IKZF2: variants seen among roughly 807,000 people sequenced by gnomAD.
The protein encoded by IKZF2 is IKAROS family zinc finger 2, also known as zinc finger protein Helios.
In IKZF2, 15 loss-of-function variants were observed where a neutral mutation model predicts 49.2. The ratio of observed to expected loss-of-function variants is 0.30; its 90% CI spans 0.20 to 0.47. IKZF2 has a LOEUF of 0.47. Among genes scored for constraint, IKZF2 ranks in the 20% least tolerant of loss-of-function variants. IKZF2 has a pLI of 1.00. For synonymous variants in IKZF2, 227 were observed against 221.4 expected (o/e 1.03, Z -0.23); for missense variants, 567 against 664.6 (o/e 0.85, Z 1.61).
chr2:213,001,062 G>T lies in IKZF2; in HGVS notation c.*6298C>A, dbSNP rs530109504. 1 of 151,600 alleles carries T rather than the reference G, an allele frequency of 6.6e-6. No individual in the cohort carries two copies. Among genetic ancestry groups the T allele is most frequent in the Non-Finnish European group, 1.5e-5 (1 of 67,484 alleles). 9.4% of individuals were successfully genotyped at this position (151,600 alleles called of 1,614,324 possible). A position where few individuals can be genotyped will look rare whatever the true frequency, so the allele number is the denominator to read the frequency against. ...TTGTCATTAGCTAAAGGAAGAATAGGTCAGAAAAGAAAAAAAAATCACCAT... is the reference window on the plus strand; with the variant it reads ...TTGTCATTAGCTAAAGGAAGAATAGTTCAGAAAAGAAAAAAAAATCACCAT... On this transcript the variant is annotated 3_prime_UTR_variant, in exon 9 of 9. Transcript: ENST00000434687.
intron 6 of IKZF2, among the ~76,000 whole-genome samples, chr2:213,045,761 C>T (rs1700094115): frequency 6.6e-6 from 1 of 152,154 alleles, no homozygotes; most frequent in African/African-American, 2.4e-5. Context: ...CACCCTGCAC[C>T]TTCCTTCGTG....
At chr2:213,057,681 C>T (rs1380196995) in intron 4 of IKZF2, among the ~76,000 whole-genome samples, 2 of 152,126 alleles carry the variant, frequency 1.3e-5, no homozygotes, top group South Asian at 2.1e-4. Flanking sequence ...TATTCAGTTT[C>T]GAGCTATATA....
chr2:213,012,291 AG>A (rs1696051192), intron 8 of IKZF2, among the ~76,000 whole-genome samples: 1 of 151,832 alleles, frequency 6.6e-6, no homozygotes, highest in African/African-American at 2.4e-5. Flanking sequence ...CTCTTTTCTA[AG>A]GAATGCAGTG....
intron 7 of IKZF2, among the ~76,000 whole-genome samples, chr2:213,020,142 G>A (rs987443355): frequency 2.6e-5 from 4 of 152,126 alleles, no homozygotes; most frequent in Non-Finnish European, 5.9e-5. Flanking sequence ...GCCATAAGGT[G>A]TTTTGGGGAA....
At chr2:213,015,075 G>A (rs1002101501) in intron 7 of IKZF2, 1 of 152,040 alleles carries the variant, frequency 6.6e-6, no homozygotes, top group African/African-American at 2.4e-5. Flanking sequence ...AAAAATAAGT[G>A]AGAAAGCAAG....
chr2:213,040,094 A>G (rs1477613899), intron 6 of IKZF2, among the ~76,000 whole-genome samples: 1 of 152,130 alleles, frequency 6.6e-6, no homozygotes, highest in Non-Finnish European at 1.5e-5. Flanking sequence ...TAGTAATCTG[A>G]ACCAGTATAA....
Position 213,116,646 on chromosome 2 carries a change from G to T in IKZF2, c.139+31062C>A, listed in dbSNP as rs115546699. Among the ~76,000 whole-genome samples, 648 of 152,248 alleles carry T rather than the reference G, an allele frequency of 4.3e-3. 1 individual carries two copies. Among genetic ancestry groups the T allele is most frequent in the Admixed American group, 0.011 (168 of 15,300 alleles). Reference sequence around the variant, plus strand: ...CCAGCTACTTGGAAGGCTGAGGTGGGATGATCACCTGAGGCTGTGAGGTCG... The same window carrying T: ...CCAGCTACTTGGAAGGCTGAGGTGGTATGATCACCTGAGGCTGTGAGGTCG... On this transcript the variant is annotated intron_variant, in intron 4 of 8. Coordinates refer to ENST00000434687, the MANE Select transcript of IKZF2 (RefSeq NM_001387220.1).
chr2:213,082,489 G>T (rs1704060741), intron 4 of IKZF2, among the ~76,000 whole-genome samples: 6 of 152,090 alleles, frequency 3.9e-5, no homozygotes, highest in Admixed American at 3.9e-4. Flanking sequence ...GGAAGAAAAG[G>T]TACATTTGCA....
rs374426869 is a variant in IKZF2, at chr2:213,097,127, T to C, written c.140-40028A>G. Among the ~76,000 whole-genome samples the C allele has an allele frequency of 6.6e-5, 10 of 152,106 alleles. No homozygotes were observed. The East Asian group carries it at 1.9e-3, about 29-fold the overall frequency. ...AAATGTGCAGTAAAATCAAGGCTAA[T>C]GGCATGCAGTTTAATGAGATAATTA... On this transcript the variant is annotated intron_variant, in intron 4 of 8. Coordinates refer to ENST00000434687, the MANE Select transcript of IKZF2 (RefSeq NM_001387220.1).
intron 4 of IKZF2, among the ~76,000 whole-genome samples, chr2:213,068,662 C>T (rs926406703): frequency 1.3e-4 from 20 of 151,838 alleles, no homozygotes; most frequent in Admixed American, 7.2e-4. Context: ...ATATTTGAAA[C>T]GTCTGGGCAT....
At position 213,148,652 on chromosome 2, in the gene IKZF2, A is replaced by G; in HGVS notation, c.-15-8T>C. On this transcript the variant is annotated splice_region_variant and splice_polypyrimidine_tract_variant and intron_variant, in intron 2 of 8. Coordinates refer to ENST00000434687, the MANE Select transcript of IKZF2 (RefSeq NM_001387220.1). Reference sequence around the variant, plus strand: ...CATAGTCAAAGTGCAATGCTGCAAAACAAAAGATTATACCCTTAATACAAT... The same window carrying G: ...CATAGTCAAAGTGCAATGCTGCAAAGCAAAAGATTATACCCTTAATACAAT... 6.2e-7 allele frequency: 1 copy of G among 1,606,254 alleles called. No homozygotes were observed. The highest frequency in any genetic ancestry group is 8.5e-7 in the Non-Finnish European group (1 of 1,172,948).
rs1695031371 is a variant in IKZF2, at chr2:213,002,988, T to C, written c.*4372A>G. 1 of 152,008 alleles carries C rather than the reference T, an allele frequency of 6.6e-6. No homozygotes were observed. The highest frequency in any genetic ancestry group is 1.5e-5 in the Non-Finnish European group (1 of 67,626). 9.4% of individuals were successfully genotyped at this position (152,008 alleles called of 1,614,324 possible). On this transcript the variant is annotated 3_prime_UTR_variant, in exon 9 of 9. Coordinates refer to ENST00000434687, the MANE Select transcript of IKZF2 (RefSeq NM_001387220.1). The stretch of plus-strand genomic sequence containing the variant: ...ATCATATTCAGAAATACTATGAAAC[T>C]AAAAAGGTAGTAAAGTCTAGTTTCA...
chr2:213,082,891 A>G (rs1704100928), intron 4 of IKZF2, among the ~76,000 whole-genome samples: 1 of 152,182 alleles, frequency 6.6e-6, no homozygotes, highest in Non-Finnish European at 1.5e-5. Flanking sequence ...TTCCTTCTAA[A>G]ATATGTTTGC....
At chr2:213,033,838 AAG>A (rs149492068) in intron 6 of IKZF2, among the ~76,000 whole-genome samples, 33,044 of 152,100 alleles carry the variant, frequency 0.22, 3,962 homozygotes, top group Non-Finnish European at 0.26. Context: ...TTGTCCTACC[AAG>A]AGAGTCAGCC....
intron 4 of IKZF2, among the ~76,000 whole-genome samples, chr2:213,077,748 C>T (rs535021157): frequency 7.2e-5 from 11 of 151,754 alleles, no homozygotes; most frequent in Non-Finnish European, 1.0e-4. Flanking sequence ...CCACCATGTC[C>T]GGCTAATTTT....
intron 6 of IKZF2, among the ~76,000 whole-genome samples, chr2:213,026,853 C>T (rs1227570574): frequency 1.3e-5 from 2 of 152,092 alleles, no homozygotes; most frequent in Admixed American, 6.6e-5. Flanking sequence ...TTAGGTAACA[C>T]TTTCTCCCAG....
rs1408571684 is a variant in IKZF2 at position 213,002,077 on chromosome 2, A to T, written c.*5283T>A. The stretch of plus-strand genomic sequence containing the variant: ...TCACTTGAGGTAATTTGAAGGCCCA[A>T]TTCACTGCAAACTCATTTATTTGTA... On this transcript the variant is annotated 3_prime_UTR_variant, in exon 9 of 9. Transcript: ENST00000434687. The T allele has an allele frequency of 2.0e-5, 3 of 151,426 alleles. No homozygotes were observed. The highest frequency in any genetic ancestry group is 7.3e-5 in the African/African-American group (3 of 41,378). The allele number at this position is 151,426 out of a possible 1,614,324, so 9.4% of individuals were successfully genotyped here.
chr2:213,035,608 C>T (rs940063482), intron 6 of IKZF2, among the ~76,000 whole-genome samples: 3 of 152,258 alleles, frequency 2.0e-5, no homozygotes, highest in African/African-American at 7.2e-5. Context: ...CTTGGGAAAA[C>T]GCTGAAGGTG....
chr2:213,085,844 G>C (rs1401643410), intron 4 of IKZF2, among the ~76,000 whole-genome samples: 1 of 152,158 alleles, frequency 6.6e-6, no homozygotes, highest in African/African-American at 2.4e-5. Context: ...CCTTAAGGAG[G>C]TTGCAGCCTT....
Sources: gnomAD v4.1 joint callset for allele counts (sites outside exome capture counted in the v4.1 genomes callset) on GRCh38, gnomAD v4.1.1 for gene constraint, MANE v1.5 for transcripts, NCBI Gene and HGNC (gene_info 2026-07-23, HGNC 2026-07-21) for gene names.